CDKL5: variants seen among roughly 807,000 people sequenced by gnomAD.
The protein encoded by CDKL5 is cyclin-dependent kinase-like 5.
Under a neutral mutation model 61.7 loss-of-function variants are expected in CDKL5, and 8 were observed. That is an observed-to-expected ratio of 0.13 (90% CI 0.08 to 0.23). CDKL5 has a LOEUF of 0.23. Ranked by LOEUF, CDKL5 falls within the 10% of genes least tolerant of loss-of-function variation. The pLI is 1.00. For synonymous variants in CDKL5, 275 were observed against 272.3 expected (o/e 1.01, Z -0.10); for missense variants, 440 against 734.5 (o/e 0.60, Z 4.63).
rs1468936541 is a variant in CDKL5 at position 18,631,042 on chromosome X, C to T, written c.*2285C>T. 4.9e-5 allele frequency: 37 copies of T among 748,655 alleles called. No homozygotes were observed. The highest frequency in any genetic ancestry group is 1.5e-4 in the East Asian group (1 of 6,509). 61.7% of individuals were successfully genotyped at this position (748,655 alleles called of 1,213,427 possible). The stretch of plus-strand genomic sequence containing the variant: ...CTGTGCTATGCGCTTAGGAACTGCA[C>T]GGTCCCGTTGCCATGCTGTGGCATT... On this transcript the variant is annotated 3_prime_UTR_variant, in exon 18 of 18. Coordinates refer to ENST00000623535, the MANE Select transcript of CDKL5 (RefSeq NM_001323289.2).
chrX:18,457,723 C>T (rs777066553), intron 1 of CDKL5, among the ~76,000 whole-genome samples: 2 of 108,546 alleles, frequency 1.8e-5, no homozygotes, highest in East Asian at 5.8e-4. Context: ...TCAAGCAATT[C>T]TCCTGCCTCA....
chrX:18,545,750 A>G (rs1293309973), intron 3 of CDKL5, among the ~76,000 whole-genome samples: 1 of 112,280 alleles, frequency 8.9e-6, no homozygotes, highest in East Asian at 2.8e-4. Flanking sequence ...GTATCTCTCC[A>G]TTAATTTGCA....
At chrX:18,501,258 C>T (rs953089321) in intron 1 of CDKL5, among the ~76,000 whole-genome samples, 2 of 111,928 alleles carry the variant, frequency 1.8e-5, no homozygotes, top group African/African-American at 6.5e-5. Flanking sequence ...ACTGCAACTT[C>T]TGCCTCCCGG....
At chrX:18,578,735 A>G (rs984332921) in intron 5 of CDKL5, among the ~76,000 whole-genome samples, 1 of 112,094 alleles carries the variant, frequency 8.9e-6, no homozygotes, top group South Asian at 3.7e-4. Flanking sequence ...ACCATTGGAC[A>G]GATGGTGCAT....
rs1195931109 is a variant in CDKL5 at position 18,518,385 on chromosome X, C to CTTTTTTTTTTTTTTTTTTTTTT, written c.99+7533_99+7534insTTTTTTTTTTTTTTTTTTTTTT. On this transcript the variant is annotated intron_variant, in intron 3 of 17. Coordinates refer to ENST00000623535, the MANE Select transcript of CDKL5 (RefSeq NM_001323289.2). ...ATAAAGTCATGTTTTCTTTTCTTTT[C>CTTTTTTTTTTTTTTTTTTTTTT]TTATTTTTTTTTTTTTTTTTTTTTT... Among the ~76,000 whole-genome samples the CTTTTTTTTTTTTTTTTTTTTTT allele has an allele frequency of 2.6e-4, 6 of 22,790 alleles. 1 individual carries two copies. The highest frequency in any genetic ancestry group is 9.1e-4 in the African/African-American group (6 of 6,586). 19.8% of individuals were successfully genotyped at this position (22,790 alleles called of 115,157 possible).
At chrX:18,642,214 G>T, downstream of CDKL5, 1 of 1,124,987 alleles carries the variant, frequency 8.9e-7, no homozygotes, top group Non-Finnish European at 1.2e-6. Flanking sequence ...AGGAAGAAGG[G>T]TTCCTTTCTG....
At chrX:18,463,557 G>A (rs1602205889) in intron 1 of CDKL5, among the ~76,000 whole-genome samples, 2 of 112,200 alleles carry the variant, frequency 1.8e-5, no homozygotes, top group African/African-American at 3.2e-5. Flanking sequence ...ATCAGTGTGC[G>A]TTTGGAAATT....
chrX:18,634,621 C>T lies in CDKL5; in HGVS notation c.*5864C>T. ...CTAGAGACACACAATGATTCTGGCC[C>T]TCAGTCTGTTTCCCTCCCCTTGTTT... On this transcript the variant is annotated 3_prime_UTR_variant, in exon 18 of 18. Coordinates refer to ENST00000623535, the MANE Select transcript of CDKL5 (RefSeq NM_001323289.2). The T allele has an allele frequency of 1.3e-6, 1 of 754,081 alleles. No homozygotes were observed. The highest frequency in any genetic ancestry group is 1.6e-6 in the Non-Finnish European group (1 of 639,182). 62.1% of individuals were successfully genotyped at this position (754,081 alleles called of 1,213,427 possible).
chrX:18,631,842 G>T lies in CDKL5; in HGVS notation c.*3085G>T. 2 of 754,306 alleles carry T rather than the reference G, an allele frequency of 2.7e-6. No individual in the cohort carries two copies. The highest frequency in any genetic ancestry group is 3.1e-6 in the Non-Finnish European group (2 of 639,301). The allele number at this position is 754,306 out of a possible 1,213,427, so 62.2% of individuals were successfully genotyped here. A position where few individuals can be genotyped will look rare whatever the true frequency, so the allele number is the denominator to read the frequency against. On this transcript the variant is annotated 3_prime_UTR_variant, in exon 18 of 18. Coordinates refer to ENST00000623535, the MANE Select transcript of CDKL5 (RefSeq NM_001323289.2). The stretch of plus-strand genomic sequence containing the variant: ...TTCTAGAGCCCAAGACCAAAAGGGA[G>T]TGCTTCATGCTGAGGGGCTCAAGTG...
chrX:18,488,542 T>A (rs921422061), intron 1 of CDKL5, among the ~76,000 whole-genome samples: 2 of 111,718 alleles, frequency 1.8e-5, no homozygotes, highest in African/African-American at 6.5e-5. Flanking sequence ...ATTAGAGATT[T>A]AGGACTTTCA....
At chrX:18,553,465 CGTGTGTGTGTGTGTGTGTGTGTGTGTGT>C (rs201802099) in intron 3 of CDKL5, among the ~76,000 whole-genome samples, 2 of 90,831 alleles carry the variant, frequency 2.2e-5, no homozygotes, top group Non-Finnish European at 4.5e-5. Flanking sequence ...TGTGTGTGTG[CGTGTGTGTGTGTGTGTGTGTGTGTGTGT>C]GTGTGTGTGT....
At position 18,631,128 on chromosome X, in the gene CDKL5, C is replaced by T; in HGVS notation, c.*2371C>T. ...GTCATCCTTGCTAACACTGGGATCT[C>T]AGATGTTTGCAGAACATTTCTATTC... On this transcript the variant is annotated 3_prime_UTR_variant, in exon 18 of 18. Transcript: ENST00000623535. 1.3e-6 allele frequency: 1 copy of T among 752,843 alleles called. No homozygotes were observed. Among genetic ancestry groups the T allele is most frequent in the Non-Finnish European group, 1.6e-6 (1 of 638,974 alleles). 62.0% of individuals were successfully genotyped at this position (752,843 alleles called of 1,213,427 possible). A position where few individuals can be genotyped will look rare whatever the true frequency, so the allele number is the denominator to read the frequency against.
In CDKL5 at chrX:18,466,254, A is replaced by G. The variant is rs768054188; in HGVS notation, c.-163+40559A>G. Among the ~76,000 whole-genome samples, 3 of 111,961 alleles carry G rather than the reference A, an allele frequency of 2.7e-5. No homozygotes were observed. The South Asian group carries it at 1.1e-3, about 42-fold the overall frequency. On this transcript the variant is annotated intron_variant, in intron 1 of 17. Coordinates refer to ENST00000623535, the MANE Select transcript of CDKL5 (RefSeq NM_001323289.2). Reference sequence around the variant, plus strand: ...AAACTACACCCCATTCTCATTTCTGAATTATCTTTGAATTTAAACCCAAAT... The same window carrying G: ...AAACTACACCCCATTCTCATTTCTGGATTATCTTTGAATTTAAACCCAAAT...
intron 3 of CDKL5, among the ~76,000 whole-genome samples, chrX:18,529,239 T>A (rs189975420): frequency 9.3e-6 from 1 of 107,695 alleles, no homozygotes; most frequent in African/African-American, 3.4e-5. Flanking sequence ...TTACAACTTA[T>A]CTAAGTACAC....
chrX:18,642,099 T>C (rs1464991419), downstream of CDKL5: 3 of 1,211,329 alleles, frequency 2.5e-6, no homozygotes, highest in Admixed American at 6.5e-5. Context: ...CGGGAGATGA[T>C]GGGGGGCCGC....
chrX:18,492,032 G>A (rs1052705816), intron 1 of CDKL5, among the ~76,000 whole-genome samples: 3 of 110,989 alleles, frequency 2.7e-5, no homozygotes, highest in Non-Finnish European at 5.7e-5. Context: ...TGTAATTGCT[G>A]TGTCATTAGA....
At chrX:18,642,513 G>C (rs977277003), downstream of CDKL5, among the ~76,000 whole-genome samples, 4 of 112,199 alleles carry the variant, frequency 3.6e-5, no homozygotes, top group East Asian at 1.1e-3. Context: ...TTCTATTGGA[G>C]GGTGCTGCTA....
chrX:18,440,463 AT>A (rs1211095676), intron 1 of CDKL5, among the ~76,000 whole-genome samples: 3 of 110,842 alleles, frequency 2.7e-5, no homozygotes, highest in African/African-American at 9.8e-5. Context: ...TGGCCATATC[AT>A]TTTTTTGTGT....
intron 1 of CDKL5, among the ~76,000 whole-genome samples, chrX:18,481,320 G>GTTTCTTTCTTTCTTTCTTTCTTTCTTTC (rs201816691): frequency 5.4e-4 from 46 of 84,689 alleles, no homozygotes; most frequent in East Asian, 2.0e-3. Flanking sequence ...AAGAGTCCTG[G>GTTTCTTTCTTTCTTTCTTTCTTTCTTTC]TTTCTTTCTT....
Sources: allele counts gnomAD v4.1 joint callset (sites outside exome capture counted in the v4.1 genomes callset), GRCh38; gene constraint gnomAD v4.1.1; transcripts MANE v1.5; gene names NCBI Gene and HGNC (gene_info 2026-07-23, HGNC 2026-07-21).